NRXN1: variants seen among roughly 807,000 people sequenced by gnomAD.
The protein encoded by NRXN1 is neurexin-1.
NRXN1 carries 39 observed loss-of-function variants against 150.9 expected under a neutral mutation model. The observed-to-expected ratio is 0.26, with a 90% confidence interval of 0.20 to 0.34. The LOEUF (loss-of-function observed/expected upper bound fraction) is 0.34. NRXN1 is among the 10% of genes least tolerant of loss of function. The pLI is 1.00. For missense variants in NRXN1, 1,815 were observed against 1,949.9 expected, an observed-to-expected ratio of 0.93 and a Z score of 1.30; for synonymous variants, 924 against 757.0, an observed-to-expected ratio of 1.22 and a Z score of -3.62.
chr2:50,181,729 GA>G (rs1047824375), intron 18 of NRXN1, among the ~76,000 whole-genome samples: 1 of 151,980 alleles, frequency 6.6e-6, no homozygotes, highest in Non-Finnish European at 1.5e-5. Flanking sequence ...TAATGGATAA[GA>G]AAAACATTTT....
In NRXN1 at chr2:50,747,192, G is replaced by A. The variant is rs1239879928; in HGVS notation, c.833-123577C>T. 3.9e-5 allele frequency among the ~76,000 whole-genome samples: 6 copies of A among 151,990 alleles called. No individual in the cohort carries two copies. The East Asian group carries it at 1.2e-3, about 29-fold the overall frequency. On this transcript the variant is annotated intron_variant, in intron 5 of 22. Coordinates refer to ENST00000401669, the MANE Select transcript of NRXN1 (RefSeq NM_001330078.2). ...TAGGTTGCACAAAAATCAGAAAGAT[G>A]GCCACAGATCAGAAGTGGTTTTCCA...
intron 3 of NRXN1, among the ~76,000 whole-genome samples, chr2:50,924,581 G>T (rs1686580609): frequency 6.6e-6 from 1 of 151,592 alleles, no homozygotes; most frequent in South Asian, 2.1e-4. Context: ...ATATAAATGA[G>T]ACTGACTTCA....
At chr2:50,088,461 A>G (rs1349118192) in intron 19 of NRXN1, among the ~76,000 whole-genome samples, 2 of 152,004 alleles carry the variant, frequency 1.3e-5, no homozygotes, top group African/African-American at 2.4e-5. Context: ...TTGAGGGCCG[A>G]CTCTGTGTTT....
chr2:50,651,812 C>T (rs114007911), intron 5 of NRXN1, among the ~76,000 whole-genome samples: 159 of 152,144 alleles, frequency 1.0e-3, no homozygotes, highest in African/African-American at 3.1e-3. Flanking sequence ...AAACAAGGAG[C>T]AATTTTCTGG....
At chr2:50,722,982 T>C (rs1304980364) in intron 5 of NRXN1, among the ~76,000 whole-genome samples, 1 of 151,994 alleles carries the variant, frequency 6.6e-6, no homozygotes, top group African/African-American at 2.4e-5. Context: ...TGAGCTAGAG[T>C]CATTCTCCTG....
intron 17 of NRXN1, among the ~76,000 whole-genome samples, chr2:50,454,263 T>C (rs2087292004): frequency 2.0e-5 from 3 of 152,014 alleles, no homozygotes; most frequent in African/African-American, 7.2e-5. Context: ...GAGGCAGAGG[T>C]TGTGGTGAGC....
At chr2:50,464,732 G>A (rs945548900) in intron 17 of NRXN1, among the ~76,000 whole-genome samples, 1 of 151,806 alleles carries the variant, frequency 6.6e-6, no homozygotes, top group African/African-American at 2.4e-5. Context: ...TTATCATTTT[G>A]ATGATGTGCT....
At chr2:50,754,992 C>CTAG (rs1169021322) in intron 5 of NRXN1, among the ~76,000 whole-genome samples, 1 of 151,816 alleles carries the variant, frequency 6.6e-6, no homozygotes, top group African/African-American at 2.4e-5. Flanking sequence ...TTAATGTTCA[C>CTAG]TAGTATCTCC....
chr2:50,410,420 G>A (rs966024916), intron 17 of NRXN1, among the ~76,000 whole-genome samples: 3 of 152,168 alleles, frequency 2.0e-5, no homozygotes, highest in African/African-American at 4.8e-5. Context: ...CTGCCTCTCA[G>A]AAGTATGCAG....
intron 5 of NRXN1, among the ~76,000 whole-genome samples, chr2:50,646,616 G>A (rs1684847620): frequency 6.6e-6 from 1 of 151,160 alleles, no homozygotes; most frequent in South Asian, 2.1e-4. Flanking sequence ...CTAGTGACAT[G>A]AACTAGGTTC....
At chr2:50,732,930 T>A (rs2105214215) in intron 5 of NRXN1, among the ~76,000 whole-genome samples, 1 of 152,328 alleles carries the variant, frequency 6.6e-6, no homozygotes, top group South Asian at 2.1e-4. Context: ...TGTTTTGTGA[T>A]TCACACCCAA....
chr2:50,204,627 T>C (rs1376410869), intron 18 of NRXN1, among the ~76,000 whole-genome samples: 1 of 152,078 alleles, frequency 6.6e-6, no homozygotes, highest in Non-Finnish European at 1.5e-5. Context: ...TAAACTTTTC[T>C]GGATATGGCT....
chr2:50,295,594 A>G (rs2073462466), intron 17 of NRXN1, among the ~76,000 whole-genome samples: 1 of 152,228 alleles, frequency 6.6e-6, no homozygotes, highest in Non-Finnish European at 1.5e-5. Context: ...ATCTTGTTCT[A>G]TAAAACATCT....
At chr2:50,687,224 G>C (rs1574100829) in intron 5 of NRXN1, among the ~76,000 whole-genome samples, 1 of 152,272 alleles carries the variant, frequency 6.6e-6, no homozygotes, top group Middle Eastern at 3.4e-3. Context: ...TTCCTGGGAA[G>C]GAGCAATTCT....
At chr2:51,013,183 C>T (rs1320143528) in intron 2 of NRXN1, among the ~76,000 whole-genome samples, 4 of 151,952 alleles carry the variant, frequency 2.6e-5, no homozygotes, top group Admixed American at 1.3e-4. Context: ...GGCTGTAACT[C>T]GAGCTCAACC....
chr2:50,925,092 A>AT (rs1201266903), intron 3 of NRXN1, among the ~76,000 whole-genome samples: 1 of 151,894 alleles, frequency 6.6e-6, no homozygotes, highest in African/African-American at 2.4e-5. Context: ...CTGTGAATAT[A>AT]TAAGTTGATA....
At chr2:50,044,822 T>A in intron 21 of NRXN1, among the ~76,000 whole-genome samples, 1 of 152,210 alleles carries the variant, frequency 6.6e-6, no homozygotes, top group East Asian at 1.9e-4. Context: ...TAGTTGCACA[T>A]AAGATTTTGC....
Position 50,347,462 on chromosome 2 carries a change from GA to G in NRXN1, c.3365-110493del. On this transcript the variant is annotated intron_variant, in intron 17 of 22. Transcript: ENST00000401669. This position sits in a 1 kb window ranked among gnomAD's most constrained non-coding sequence, Gnocchi z 4.9. Reference sequence around the variant, plus strand: ...GCCGGCCCAACCTCCTTTCAAGACAGAAGCAGACCCCATGGAATCCAGGCGC... The same window carrying G: ...GCCGGCCCAACCTCCTTTCAAGACAGAGCAGACCCCATGGAATCCAGGCGC... The G allele has an allele frequency of 9.1e-7, 1 of 1,104,682 alleles. No individual in the cohort carries two copies. The highest frequency in any genetic ancestry group is 1.1e-6 in the Non-Finnish European group (1 of 898,450). 68.4% of individuals were successfully genotyped at this position (1,104,682 alleles called of 1,614,324 possible).
At chr2:49,987,486 C>G (rs1484184130) in intron 21 of NRXN1, among the ~76,000 whole-genome samples, 1 of 151,812 alleles carries the variant, frequency 6.6e-6, no homozygotes, top group African/African-American at 2.4e-5. Context: ...TGAAATTTTC[C>G]TGATGGAGAT....
Sources: gnomAD v4.1 joint callset for allele counts (sites outside exome capture counted in the v4.1 genomes callset) on GRCh38, gnomAD v4.1.1 for gene constraint, Gnocchi (gnomAD v3.1) non-coding constraint, MANE v1.5 for transcripts, NCBI Gene and HGNC (gene_info 2026-07-23, HGNC 2026-07-21) for gene names.